Variants in ITGAE observed in about 807,000 individuals in gnomAD.
The protein encoded by ITGAE is integrin subunit alpha E.
ITGAE carries 99 observed loss-of-function variants against 136.5 expected under a neutral mutation model. The observed-to-expected ratio is 0.73, with a 90% CI of 0.62 to 0.86. ITGAE has a LOEUF of 0.86. Among genes scored for constraint, ITGAE ranks in the 40% least tolerant of loss-of-function variants. ITGAE has a pLI of 0.00. For synonymous variants in ITGAE, 613 were observed against 591.8 expected (o/e 1.04, Z -0.52); for missense variants, 1,447 against 1,515.3 (o/e 0.95, Z 0.75).
In ITGAE at chr17:3,732,431, C is replaced by T. The variant is rs755694904; in HGVS notation, c.2691G>A (p.Gln897=). The T allele has an allele frequency of 8.7e-6, 14 of 1,614,032 alleles. No individual in the cohort carries two copies. Among genetic ancestry groups the T allele is most frequent in the Non-Finnish European group, 1.1e-5 (13 of 1,180,032 alleles). The change falls in exon 22 of 31, where the codon CAG becomes CAA. Residue 897 remains glutamine (Q), a synonymous_variant. Transcript: ENST00000263087. ...PSPNIQCDDP[Q]PVASVLIMNC... is the part of the protein sequence containing the mutation. ...TCATGATCAGGACAGAAGCAACCGG[C>T]TGAGGGTCATCACACTGAATGTTTG...
chr17:3,745,433 C>A (rs1161373245), intron 18 of ITGAE, among the ~76,000 whole-genome samples: 1 of 152,172 alleles, frequency 6.6e-6, no homozygotes, highest in Non-Finnish European at 1.5e-5. Flanking sequence ...CCTCCCTCCC[C>A]TGGATTCCAG....
intron 1 of ITGAE, among the ~76,000 whole-genome samples, chr17:3,780,975 A>T (rs2052654343): frequency 6.6e-6 from 1 of 152,238 alleles, no homozygotes; most frequent in Non-Finnish European, 1.5e-5. Flanking sequence ...AAGTGCTGGG[A>T]TTATAGGCGT....
In ITGAE at chr17:3,778,406, C is replaced by T. The variant is rs537921086; in HGVS notation, c.35-746G>A. Among the ~76,000 whole-genome samples the T allele has an allele frequency of 2.0e-4, 31 of 152,200 alleles. No individual in the cohort carries two copies. In the South Asian group the frequency reaches 2.5e-3, roughly 12 times the overall value. On this transcript the variant is annotated intron_variant, in intron 1 of 30. Coordinates refer to ENST00000263087, the MANE Select transcript of ITGAE (RefSeq NM_002208.5). ...GATGAAACCCTGTCTCTACGAAAAA[C>T]GCAAAAATTAGCTGGGCGCGGTGGC...
At position 3,753,322 on chromosome 17, in the gene ITGAE, C is replaced by T; in HGVS notation, c.1636G>A (p.Gly546Ser). ...APFYHVHGEEGRVYVYRLSEQ... is the reference protein window; with the variant it reads ...APFYHVHGEESRVYVYRLSEQ... Reference sequence around the variant, plus strand: ...CTGAGACGGTACACGTAGACTCTGCCTTCTTCTCCATGAACGTGGTAAAAT... The same window carrying T: ...CTGAGACGGTACACGTAGACTCTGCTTTCTTCTCCATGAACGTGGTAAAAT... Residue 546 changes from glycine (G) to serine (S), a missense_variant, in exon 14 of 31, where the codon GGC (glycine) becomes AGC (serine). Gly to Ser is a moderately conservative substitution (Grantham distance 56). Transcript: ENST00000263087. 1 of 1,614,150 alleles carries T rather than the reference C, an allele frequency of 6.2e-7. No homozygotes were observed. Among genetic ancestry groups the T allele is most frequent in the Non-Finnish European group, 8.5e-7 (1 of 1,180,010 alleles).
rs1232853981 is a variant in ITGAE at position 3,771,197 on chromosome 17, G to A, written c.155+6343C>T. On this transcript the variant is annotated intron_variant, in intron 2 of 30. Transcript: ENST00000263087. ...CCAAATGCCAATCATCAGTACTGTC[G>A]ACACAATGTAACCCTGGCAACCAGA... Among the ~76,000 whole-genome samples the A allele has an allele frequency of 3.3e-5, 5 of 152,146 alleles. 1 individual carries two copies. Among genetic ancestry groups the A allele is most frequent in the African/African-American group, 4.8e-5 (2 of 41,494 alleles).
chr17:3,749,923 G>A (rs915339309), intron 16 of ITGAE, among the ~76,000 whole-genome samples: 1 of 152,072 alleles, frequency 6.6e-6, no homozygotes, highest in African/African-American at 2.4e-5. Context: ...GGCTGAGGCA[G>A]AAGAATTGCT....
rs140947594 is a variant in ITGAE, at chr17:3,761,067, T to C, written c.544A>G (p.Lys182Glu). ...TCCTCCTTGTCTTCCTCCTCCTCCT[T>C]CTCCAGAGCCCGGCGCTGCCTGGCT... ...NTARQRRALE[K>E]EEEEDKEEEE... The change falls in exon 6 of 31, where the codon AAG becomes GAG. Residue 182 changes from lysine (K) to glutamate (E), a missense_variant. Coordinates refer to ENST00000263087, the MANE Select transcript of ITGAE (RefSeq NM_002208.5). The C allele has an allele frequency of 6.7e-3, 10,832 of 1,610,084 alleles. 99 individuals are homozygous for C. Among genetic ancestry groups the C allele is most frequent in the Middle Eastern group, 0.01 (61 of 6,038 alleles).
chr17:3,760,267 G>A lies in ITGAE; in HGVS notation c.619C>T (p.Leu207=). ...EEAGTEIAII[L]DGSGSIDPPD... Reference sequence around the variant, plus strand: ...GGATCAATGCTTCCTGAGCCATCCAGGATGATGGCAATCTCGGTGCCTGGC... The same window carrying A: ...GGATCAATGCTTCCTGAGCCATCCAAGATGATGGCAATCTCGGTGCCTGGC... Residue 207 remains leucine, a synonymous_variant, in exon 7 of 31, where the codon CTG becomes TTG. Transcript: ENST00000263087. 6.2e-7 allele frequency: 1 copy of A among 1,613,040 alleles called. No homozygotes were observed. Among genetic ancestry groups the A allele is most frequent in the African/African-American group, 1.3e-5 (1 of 74,946 alleles).
At position 3,748,356 on chromosome 17, in the gene ITGAE, C is replaced by T. The variant is rs1157254114; in HGVS notation, c.2025-304G>A. 5.3e-5 allele frequency among the ~76,000 whole-genome samples: 8 copies of T among 152,178 alleles called. No homozygotes were observed. The South Asian group carries it at 8.3e-4, about 16-fold the overall frequency. On this transcript the variant is annotated intron_variant, in intron 16 of 30. Transcript: ENST00000263087. ...AATCCCAGCACTTGGGAGGCCGAGGCGGGAGGATCACCTGAGGTCAGGGGT... is the reference window on the plus strand; with the variant it reads ...AATCCCAGCACTTGGGAGGCCGAGGTGGGAGGATCACCTGAGGTCAGGGGT...
At chr17:3,786,166 C>CAAA (rs369144318) in intron 1 of ITGAE, among the ~76,000 whole-genome samples, 1 of 58,428 alleles carries the variant, frequency 1.7e-5, no homozygotes, top group African/African-American at 5.5e-5. Flanking sequence ...GACTCCATCT[C>CAAA]AAAAAAAAAA....
chr17:3,786,570 C>G (rs933696749), intron 1 of ITGAE, among the ~76,000 whole-genome samples: 1 of 152,082 alleles, frequency 6.6e-6, no homozygotes, highest in African/African-American at 2.4e-5. Context: ...GCACAAAATT[C>G]CAGTAAATCA....
chr17:3,782,567 C>A (rs567802372), intron 1 of ITGAE, among the ~76,000 whole-genome samples: 8 of 152,008 alleles, frequency 5.3e-5, no homozygotes, highest in African/African-American at 1.7e-4. Flanking sequence ...AGGTTTTCAC[C>A]GTGTTGGCCA....
intron 1 of ITGAE, among the ~76,000 whole-genome samples, chr17:3,795,028 T>C (rs2053031799): frequency 6.6e-6 from 1 of 152,114 alleles, no homozygotes; most frequent in African/African-American, 2.4e-5. Flanking sequence ...TCTCCACCTC[T>C]GTCTGCAAAG....
At chr17:3,760,039 A>G in intron 7 of ITGAE, 133 bp downstream of exon 7, 1 of 645,854 alleles carries the variant, frequency 1.5e-6, no homozygotes, top group South Asian at 1.9e-5. Flanking sequence ...CAAGATGGAC[A>G]GAAGAATCAT....
chr17:3,743,559 G>A lies in ITGAE; in HGVS notation c.2378C>T (p.Thr793Ile). ...ASVKVSYQLQ[T>I]PEGQTDHPQP... is the part of the protein sequence containing the mutation. ...GGGATGGTCCGTCTGTCCCTCAGGG[G>A]TCTGGAGCTGGTAGCTGACTTTGAC... Residue 793 changes from threonine to isoleucine, a missense_variant, in exon 19 of 31, where the codon ACC becomes ATC. By Grantham distance (89) the Thr-to-Ile change is moderately conservative. Around this residue, in one of 3 missense-constraint regions of ITGAE, gnomAD observed 1,031 missense variants for 1,011.4 expected, o/e 1.02. Transcript: ENST00000263087. 1 of 1,613,276 alleles carries A rather than the reference G, an allele frequency of 6.2e-7. No individual in the cohort carries two copies. Among genetic ancestry groups the A allele is most frequent in the South Asian group, 1.1e-5 (1 of 90,936 alleles).
intron 21 of ITGAE, among the ~76,000 whole-genome samples, chr17:3,734,007 C>T (rs1007494262): frequency 6.6e-6 from 1 of 152,230 alleles, no homozygotes; most frequent in Non-Finnish European, 1.5e-5. Context: ...GACTTACACT[C>T]TCCAGGCAAG....
intron 1 of ITGAE, among the ~76,000 whole-genome samples, chr17:3,790,939 G>A (rs1185957168): frequency 6.6e-6 from 1 of 152,070 alleles, no homozygotes; most frequent in Non-Finnish European, 1.5e-5. Context: ...CAGATCACGA[G>A]GTCAGGAGAT....
Position 3,743,470 on chromosome 17 carries a change from T to C in ITGAE, c.2448+19A>G. The C allele has an allele frequency of 7.0e-6, 11 of 1,570,936 alleles. No individual in the cohort carries two copies. Among genetic ancestry groups the C allele is most frequent in the Middle Eastern group, 1.7e-4 (1 of 5,934 alleles). ...ATAGGCTCTTAAGAGGGCTGGGTAC[T>C]GGCTGTGGGTAGAGTCACCTGGAAG... On this transcript the variant is annotated intron_variant, in intron 19 of 30. Coordinates refer to ENST00000263087, the MANE Select transcript of ITGAE (RefSeq NM_002208.5).
rs760392844 is a variant in ITGAE at position 3,723,758 on chromosome 17, C to G, written c.3085-14G>C. 1.2e-6 allele frequency: 2 copies of G among 1,606,360 alleles called. No homozygotes were observed. The highest frequency in any genetic ancestry group is 1.7e-6 in the Non-Finnish European group (2 of 1,176,820). The stretch of plus-strand genomic sequence containing the variant: ...CACCGTGGAGGCCTGAAACGAGAGC[C>G]ATGACCGCGACGCGCTGAACAAACC... On this transcript the variant is annotated splice_polypyrimidine_tract_variant and intron_variant, in intron 26 of 30. Transcript: ENST00000263087.
Sources: allele counts gnomAD v4.1 joint callset (sites outside exome capture counted in the v4.1 genomes callset), GRCh38; gene constraint gnomAD v4.1.1; regional missense constraint gnomAD v4.1.1; transcripts MANE v1.5; gene names NCBI Gene and HGNC (gene_info 2026-07-23, HGNC 2026-07-21).